NRG3: variants seen among roughly 807,000 people sequenced by gnomAD.
NRG3 encodes neuregulin 3.
NRG3 carries 31 observed loss-of-function variants against 66.9 expected under a neutral mutation model. That is an observed-to-expected ratio of 0.46 (90% CI 0.35 to 0.63). The LOEUF is 0.63. Ranked by LOEUF, NRG3 falls within the 20% of genes least tolerant of loss-of-function variation. The pLI, the probability that NRG3 is intolerant of heterozygous loss-of-function variation, is 0.00. For missense variants in NRG3, 910 were observed against 878.9 expected, an observed-to-expected ratio of 1.04 and a Z score of -0.45; for synonymous variants, 393 against 359.4, an observed-to-expected ratio of 1.09 and a Z score of -1.06.
chr10:82,285,670 G>T (rs1397008963), intron 1 of NRG3, among the ~76,000 whole-genome samples: 1 of 152,152 alleles, frequency 6.6e-6, no homozygotes, highest in Admixed American at 6.5e-5. Context: ...CCAGAGGGAA[G>T]AAAGAAGGGA....
chr10:82,600,425 G>A (rs138977159), intron 2 of NRG3, among the ~76,000 whole-genome samples: 17 of 152,138 alleles, frequency 1.1e-4, no homozygotes, highest in African/African-American at 4.1e-4. Context: ...ATATTGTATT[G>A]TATAGTTAGA....
chr10:82,764,094 G>A (rs990801045), intron 3 of NRG3, among the ~76,000 whole-genome samples: 1 of 151,928 alleles, frequency 6.6e-6, no homozygotes, highest in East Asian at 1.9e-4. Context: ...AAGTACAGTG[G>A]AGTGGTCTTG....
At chr10:82,832,805 TG>T (rs1384173024) in intron 3 of NRG3, among the ~76,000 whole-genome samples, 1 of 38,934 alleles carries the variant, frequency 2.6e-5, no homozygotes, top group Admixed American at 2.6e-4. Context: ...TGCATGTAAT[TG>T]TGTGTGTGTG....
At chr10:82,692,339 GT>G (rs1181253796) in intron 2 of NRG3, among the ~76,000 whole-genome samples, 3 of 151,520 alleles carry the variant, frequency 2.0e-5, no homozygotes. Context: ...CTCTTTTTTG[GT>G]AAAAAGAACT....
At chr10:82,816,955 T>G (rs2061735915) in intron 3 of NRG3, among the ~76,000 whole-genome samples, 1 of 152,266 alleles carries the variant, frequency 6.6e-6, no homozygotes, top group Non-Finnish European at 1.5e-5. Context: ...GTGGGTATTT[T>G]CATAAATGAG....
chr10:82,269,015 G>A (rs1253335238), intron 1 of NRG3, among the ~76,000 whole-genome samples: 2 of 151,836 alleles, frequency 1.3e-5, no homozygotes, highest in South Asian at 2.1e-4. Flanking sequence ...TGTATTCACC[G>A]TGACTCCTTT....
At position 82,593,800 on chromosome 10, in the gene NRG3, CAT is replaced by C. The variant is rs1484136209; in HGVS notation, c.954-144772_954-144771del. 2.0e-5 allele frequency among the ~76,000 whole-genome samples: 3 copies of C among 151,718 alleles called. No individual in the cohort carries two copies. The East Asian group carries it at 5.8e-4, about 29-fold the overall frequency. ...ATATTACATACTGACATATATTGAA[CAT>C]ATATGTCTGTTTTAATACATATATA... On this transcript the variant is annotated intron_variant, in intron 2 of 8. Coordinates refer to ENST00000372141, the MANE Select transcript of NRG3 (RefSeq NM_001010848.4).
chr10:82,372,620 G>A (rs1179712137), intron 2 of NRG3, among the ~76,000 whole-genome samples: 1 of 152,016 alleles, frequency 6.6e-6, no homozygotes, highest in Admixed American at 6.6e-5. Context: ...TATCCTGAGA[G>A]TCTTGCTGTG....
chr10:82,239,137 TTAAA>T (rs1013396088), intron 1 of NRG3, among the ~76,000 whole-genome samples: 1 of 151,916 alleles, frequency 6.6e-6, no homozygotes, highest in African/African-American at 2.4e-5. Context: ...TATTAAACAA[TTAAA>T]TAGTTTAAAT....
At chr10:82,547,657 A>G (rs1285306857) in intron 2 of NRG3, among the ~76,000 whole-genome samples, 1 of 151,972 alleles carries the variant, frequency 6.6e-6, no homozygotes, top group Non-Finnish European at 1.5e-5. Flanking sequence ...ATTTATGCAC[A>G]CACATATATA....
At chr10:82,304,982 T>C (rs1199438741) in intron 1 of NRG3, among the ~76,000 whole-genome samples, 4 of 127,662 alleles carry the variant, frequency 3.1e-5, no homozygotes, top group Admixed American at 8.1e-5. Flanking sequence ...ATCAGATTCC[T>C]CTTTTTTTTT....
At chr10:81,935,876 A>AACACACACACAC (rs55670416) in intron 1 of NRG3, among the ~76,000 whole-genome samples, 23 of 132,440 alleles carry the variant, frequency 1.7e-4, no homozygotes, top group Middle Eastern at 3.6e-3. Context: ...TCAGTGCCTG[A>AACACACACACAC]ACACACACAC....
At chr10:82,270,231 G>A (rs987064851) in intron 1 of NRG3, among the ~76,000 whole-genome samples, 1 of 152,110 alleles carries the variant, frequency 6.6e-6, no homozygotes, top group African/African-American at 2.4e-5. Context: ...GATTAAGTGT[G>A]TAATCACATT....
Position 82,509,164 on chromosome 10 carries a change from G to A in NRG3, c.953+150296G>A, listed in dbSNP as rs557320534. Among the ~76,000 whole-genome samples the A allele has an allele frequency of 8.6e-5, 13 of 151,978 alleles. No individual in the cohort carries two copies. The East Asian group carries it at 1.2e-3, about 14-fold the overall frequency. ...TCTGTCTTCTGTCTTGGTTTTCACC[G>A]TCTAACTAGTTTTCTTCTCCTTGCC... On this transcript the variant is annotated intron_variant, in intron 2 of 8. Transcript: ENST00000372141.
At chr10:81,888,802 G>T (rs1306422339) in intron 1 of NRG3, among the ~76,000 whole-genome samples, 3 of 152,132 alleles carry the variant, frequency 2.0e-5, no homozygotes, top group Admixed American at 6.5e-5. Context: ...AGAATGGGTT[G>T]CAAGGAAGTG....
At chr10:82,951,320 A>G (rs1849493707) in intron 4 of NRG3, 149 bp from the exon 5 acceptor site, 2 of 594,800 alleles carry the variant, frequency 3.4e-6, no homozygotes, top group African/African-American at 1.9e-5. Context: ...TAATTGAATC[A>G]TAATAAGTTC....
chr10:82,267,065 A>G (rs759338383), intron 1 of NRG3, among the ~76,000 whole-genome samples: 3 of 152,146 alleles, frequency 2.0e-5, no homozygotes, highest in Non-Finnish European at 4.4e-5. Context: ...GTGTTTTTCA[A>G]AAGTTTCCTA....
chr10:82,079,792 C>G (rs909977702), intron 1 of NRG3, among the ~76,000 whole-genome samples: 5 of 152,064 alleles, frequency 3.3e-5, no homozygotes, highest in African/African-American at 1.2e-4. Flanking sequence ...CTTTTCATGG[C>G]TTGATAGAAT....
chr10:82,359,942 G>C (rs2084021237), intron 2 of NRG3, among the ~76,000 whole-genome samples: 1 of 152,142 alleles, frequency 6.6e-6, no homozygotes, highest in Non-Finnish European at 1.5e-5. Context: ...TAGTCCACAG[G>C]GAAGATGTAT....
Sources: gnomAD v4.1 joint callset for allele counts (sites outside exome capture counted in the v4.1 genomes callset) on GRCh38, gnomAD v4.1.1 for gene constraint, MANE v1.5 for transcripts, NCBI Gene and HGNC (gene_info 2026-07-23, HGNC 2026-07-21) for gene names.